The following FBXO11 variants were observed in gnomAD, a reference collection of about 807,000 sequenced individuals.
FBXO11 encodes F-box protein 11.
Under a neutral mutation model 117.0 loss-of-function variants are expected in FBXO11, and 13 were observed. The observed-to-expected ratio is 0.11, with a 90% CI of 0.07 to 0.18. FBXO11 has a LOEUF of 0.18. Ranked by LOEUF, FBXO11 falls within the 10% of genes least tolerant of loss-of-function variation. FBXO11 has a pLI of 1.00. For synonymous variants in FBXO11, 490 were observed against 380.5 expected (o/e 1.29, Z -3.35); for missense variants, 767 against 1,164.4 (o/e 0.66, Z 4.97).
At chr2:47,884,364 C>A (rs911333342) in intron 1 of FBXO11, among the ~76,000 whole-genome samples, 3 of 152,198 alleles carry the variant, frequency 2.0e-5, no homozygotes, top group African/African-American at 7.2e-5. Flanking sequence ...TCATTACAAA[C>A]AAGAGATTTA....
intron 1 of FBXO11, among the ~76,000 whole-genome samples, chr2:47,855,832 C>A (rs1188158119): frequency 1.4e-4 from 20 of 140,510 alleles, no homozygotes; most frequent in African/African-American, 4.2e-4. Flanking sequence ...AACTCCATCT[C>A]AAACAGTTCA....
At chr2:47,865,255 A>G (rs980772213) in intron 1 of FBXO11, among the ~76,000 whole-genome samples, 2 of 152,210 alleles carry the variant, frequency 1.3e-5, no homozygotes, top group African/African-American at 4.8e-5. Context: ...ACAGATGAAC[A>G]TCTTGAATAA....
In FBXO11 at chr2:47,905,475, T is replaced by C. The variant is rs1572942973; in HGVS notation, c.232+14A>G. On this transcript the variant is annotated intron_variant, in intron 1 of 22. Transcript: ENST00000403359. Reference sequence around the variant, plus strand: ...CCCGGGAAGGCGGGCGGTTGGGAGGTAGCGCGGCCTTACCCCGCTCGCCGA... The same window carrying C: ...CCCGGGAAGGCGGGCGGTTGGGAGGCAGCGCGGCCTTACCCCGCTCGCCGA... 1 of 1,220,562 alleles carries C rather than the reference T, an allele frequency of 8.2e-7. No homozygotes were observed. Among genetic ancestry groups the C allele is most frequent in the Non-Finnish European group, 1.0e-6 (1 of 981,194 alleles). 75.6% of individuals were successfully genotyped at this position (1,220,562 alleles called of 1,614,324 possible).
chr2:47,883,568 G>T, intron 1 of FBXO11: 1 of 345,900 alleles, frequency 2.9e-6, no homozygotes. Context: ...AAATTCGTCT[G>T]GATCGGCAAA....
chr2:47,850,645 A>T (rs1034433869), intron 1 of FBXO11, among the ~76,000 whole-genome samples: 1 of 152,232 alleles, frequency 6.6e-6, no homozygotes, highest in Non-Finnish European at 1.5e-5. Flanking sequence ...TTAAAAAATA[A>T]GTAAAAAATG....
At chr2:47,823,485 T>C in intron 11 of FBXO11, 125 bp from the exon 12 acceptor site, 2 of 758,746 alleles carry the variant, frequency 2.6e-6, no homozygotes, top group Middle Eastern at 7.6e-4. Context: ...CTGGGCGTGG[T>C]GACTCACGCC....
At chr2:47,874,782 G>A (rs966803192) in intron 1 of FBXO11, among the ~76,000 whole-genome samples, 1 of 151,134 alleles carries the variant, frequency 6.6e-6, no homozygotes, top group African/African-American at 2.4e-5. Flanking sequence ...CGATCCACCC[G>A]CCTCAGCCTC....
At chr2:47,870,121 T>A (rs1295959175) in intron 1 of FBXO11, among the ~76,000 whole-genome samples, 2 of 152,252 alleles carry the variant, frequency 1.3e-5, no homozygotes, top group Non-Finnish European at 2.9e-5. Flanking sequence ...CCTTCGGTGT[T>A]CATCTGTACC....
Position 47,820,128 on chromosome 2 carries a change from TA to T in FBXO11, c.1797+233del, listed in dbSNP as rs1221694599. Among the ~76,000 whole-genome samples the T allele has an allele frequency of 2.0e-5, 3 of 152,332 alleles. No individual in the cohort carries two copies. The East Asian group carries it at 5.8e-4, about 29-fold the overall frequency. ...AATAAAAAGGTGTTTCTCTTATGGC[TA>T]AATTTAGTCAGCTGCTGAGTAAATT... On this transcript the variant is annotated intron_variant, in intron 14 of 22. Transcript: ENST00000403359.
chr2:47,846,192 C>T (rs892270836), intron 1 of FBXO11, among the ~76,000 whole-genome samples: 3 of 152,186 alleles, frequency 2.0e-5, no homozygotes, highest in African/African-American at 4.8e-5. Context: ...TTTGGCCAGG[C>T]GTGGTGGCTC....
chr2:47,886,335 G>A (rs959298688), intron 1 of FBXO11, among the ~76,000 whole-genome samples: 4 of 151,770 alleles, frequency 2.6e-5, no homozygotes, highest in African/African-American at 9.7e-5. Context: ...TGAAACTCCC[G>A]TCTCTACTAA....
Position 47,818,774 on chromosome 2 carries a change from T to G in FBXO11, c.2006+5A>C. The G allele has an allele frequency of 6.4e-7, 1 of 1,571,248 alleles. No homozygotes were observed. The highest frequency in any genetic ancestry group is 1.2e-5 in the South Asian group (1 of 83,658). On this transcript the variant is annotated splice_donor_5th_base_variant and intron_variant, in intron 16 of 22. Transcript: ENST00000403359. ...CAAAAGATAGCCAAATATGAAAACA[T>G]TTACCTTATCTGAACCCCTGAATAC... is the stretch of plus-strand genomic sequence containing the variant.
chr2:47,822,376 G>A (rs1181515111), intron 12 of FBXO11, 73 bp from the exon 13 acceptor site: 2 of 872,372 alleles, frequency 2.3e-6, no homozygotes, highest in East Asian at 5.2e-5. Context: ...CAACGGTAAG[G>A]CCCCTCATGG....
At chr2:47,904,799 T>A (rs1572941269) in intron 1 of FBXO11, among the ~76,000 whole-genome samples, 3 of 151,928 alleles carry the variant, frequency 2.0e-5, no homozygotes, top group Admixed American at 2.0e-4. Context: ...ATGGATTCTA[T>A]ATTTATTTAT....
At chr2:47,887,526 A>G (rs748607339) in intron 1 of FBXO11, among the ~76,000 whole-genome samples, 49 of 152,010 alleles carry the variant, frequency 3.2e-4, no homozygotes, top group Non-Finnish European at 5.4e-4. Flanking sequence ...TGAAGAGTTC[A>G]AGACCAACCT....
At chr2:47,837,543 CAT>C (rs768995311) in intron 4 of FBXO11, among the ~76,000 whole-genome samples, 2 of 151,674 alleles carry the variant, frequency 1.3e-5, no homozygotes, top group Non-Finnish European at 2.9e-5. Context: ...ACAACAAAAA[CAT>C]ATATATATAT....
chr2:47,838,770 A>G (rs1382758837), intron 4 of FBXO11, 89 bp downstream of exon 4: 2 of 1,236,780 alleles, frequency 1.6e-6, no homozygotes, highest in Non-Finnish European at 2.3e-6. Context: ...TGTAACTACC[A>G]ACTCACCGCA....
rs114118471 is a variant in FBXO11 at position 47,861,356 on chromosome 2, T to C, written c.233-21587A>G. On this transcript the variant is annotated intron_variant, in intron 1 of 22. Coordinates refer to ENST00000403359, the MANE Select transcript of FBXO11 (RefSeq NM_001190274.2). ...TTTTTTGAGACAAGATCTTGCTCTG[T>C]TGCTCAGGCAGAAGTGCAGTGGCAC... Among the ~76,000 whole-genome samples the C allele has an allele frequency of 5.3e-3, 796 of 151,232 alleles. 8 individuals are homozygous for C. Among genetic ancestry groups the C allele is most frequent in the African/African-American group, 0.019 (763 of 41,198 alleles).
chr2:47,879,251 A>G (rs12474559), intron 1 of FBXO11, among the ~76,000 whole-genome samples: 2,324 of 152,308 alleles, frequency 0.015, 57 homozygotes, highest in Admixed American at 0.064. Flanking sequence ...AATCTGATAC[A>G]TGTATCATGT....
Sources: allele counts gnomAD v4.1 joint callset (sites outside exome capture counted in the v4.1 genomes callset), GRCh38; gene constraint gnomAD v4.1.1; transcripts MANE v1.5; gene names NCBI Gene and HGNC (gene_info 2026-07-23, HGNC 2026-07-21).